TBX20: variants seen among roughly 807,000 people sequenced by gnomAD.
TBX20 encodes the protein T-box transcription factor TBX20.
Under a neutral mutation model 42.9 loss-of-function variants are expected in TBX20, and 8 were observed. The ratio of observed to expected loss-of-function variants is 0.19; its 90% CI spans 0.11 to 0.34. TBX20 has a LOEUF of 0.34. Among genes scored for constraint, TBX20 ranks in the 10% least tolerant of loss-of-function variants. The pLI is 1.00. For missense variants in TBX20, 411 were observed against 566.0 expected (o/e 0.73, Z 2.78); for synonymous variants, 198 against 222.8 (o/e 0.89, Z 0.99).
chr7:35,231,526 A>T lies in TBX20; in HGVS notation c.868T>A (p.Ser290Thr). 1 of 1,613,496 alleles carries T rather than the reference A, an allele frequency of 6.2e-7. No individual in the cohort carries two copies. The highest frequency in any genetic ancestry group is 8.5e-7 in the Non-Finnish European group (1 of 1,179,438). Residue 290 changes from serine (S) to threonine (T), a missense_variant, in exon 6 of 8, where the codon TCC becomes ACC. Physicochemically the swap from Ser to Thr is moderately conservative, Grantham distance 58. Coordinates refer to ENST00000408931, the MANE Select transcript of TBX20 (RefSeq NM_001077653.2). ...NPFAKGFRDSSRLTDIERESV... is the reference protein window; with the variant it reads ...NPFAKGFRDSTRLTDIERESV... ...TACCTCTCAATGTCAGTGAGCCTGG[A>T]GGAATCCCGGAATCCTTTGGCAAAA...
At chr7:35,226,443 A>G (rs865969419) in intron 6 of TBX20, among the ~76,000 whole-genome samples, 1 of 151,986 alleles carries the variant, frequency 6.6e-6, no homozygotes, top group African/African-American at 2.4e-5. Flanking sequence ...AAACAGGCCA[A>G]TTCCCAGGAG....
intron 5 of TBX20, among the ~76,000 whole-genome samples, chr7:35,236,731 T>C (rs1222666615): frequency 1.3e-5 from 2 of 152,182 alleles, no homozygotes; most frequent in Non-Finnish European, 2.9e-5. Context: ...CAAGCGGCTA[T>C]GGTTTTAAAG....
intron 3 of TBX20, among the ~76,000 whole-genome samples, chr7:35,246,365 C>T (rs4723405): frequency 0.37 from 55,447 of 151,886 alleles, 10,469 homozygotes; most frequent in Admixed American, 0.46. Context: ...ACCATCCTTC[C>T]AAGACTGTAG....
intron 6 of TBX20, among the ~76,000 whole-genome samples, chr7:35,219,166 GC>G (rs1435113097): frequency 6.6e-6 from 1 of 152,108 alleles, no homozygotes; most frequent in East Asian, 1.9e-4. Context: ...AGCCTAGTCT[GC>G]TCTGTGACTC....
At chr7:35,217,552 G>GA (rs1158485262) in intron 6 of TBX20, among the ~76,000 whole-genome samples, 2 of 152,104 alleles carry the variant, frequency 1.3e-5, no homozygotes, top group African/African-American at 4.8e-5. Context: ...AAAAGCTGTG[G>GA]ATAAATGAGT....
intron 5 of TBX20, among the ~76,000 whole-genome samples, chr7:35,231,807 AC>A (rs1417797593): frequency 2.6e-5 from 4 of 152,246 alleles, no homozygotes; most frequent in Admixed American, 1.3e-4. Flanking sequence ...CTGGAGGTTG[AC>A]AGATAGATAC....
chr7:35,244,137 G>A (rs1464897279), intron 4 of TBX20, among the ~76,000 whole-genome samples: 1 of 152,096 alleles, frequency 6.6e-6, no homozygotes, highest in African/African-American at 2.4e-5. Context: ...AAAAAATTAT[G>A]GAAGTCCATC....
chr7:35,226,404 CA>C (rs375521286), intron 6 of TBX20, among the ~76,000 whole-genome samples: 2,339 of 81,052 alleles, frequency 0.029, 38 homozygotes, highest in African/African-American at 0.087. Context: ...GTGAACAATC[CA>C]AAAAAAAAAA....
intron 6 of TBX20, among the ~76,000 whole-genome samples, chr7:35,211,505 A>G (rs1231657586): frequency 2.0e-5 from 3 of 152,140 alleles, no homozygotes; most frequent in African/African-American, 7.2e-5. Flanking sequence ...TGGGTAAATA[A>G]TTCTAGTTAA....
intron 6 of TBX20, among the ~76,000 whole-genome samples, chr7:35,209,670 A>C (rs1789460385): frequency 6.6e-6 from 1 of 151,976 alleles, no homozygotes; most frequent in South Asian, 2.1e-4. Flanking sequence ...TTCTACTCTG[A>C]TATTTATTAT....
At chr7:35,250,901 C>T (rs1001799263) in intron 1 of TBX20, among the ~76,000 whole-genome samples, 2 of 152,150 alleles carry the variant, frequency 1.3e-5, no homozygotes, top group African/African-American at 4.8e-5. Context: ...ATCACAGGAG[C>T]AGGTTCTGTG....
intron 7 of TBX20, among the ~76,000 whole-genome samples, chr7:35,203,860 C>A (rs529131530): frequency 6.6e-6 from 1 of 152,182 alleles, no homozygotes. Flanking sequence ...CCCATACGAA[C>A]TTTACTGTTC....
intron 5 of TBX20, among the ~76,000 whole-genome samples, chr7:35,239,877 G>A (rs1214797893): frequency 2.0e-5 from 3 of 151,810 alleles, no homozygotes; most frequent in Non-Finnish European, 4.4e-5. Context: ...TCAGCCTCCC[G>A]AGTAGCTGGG....
intron 6 of TBX20, among the ~76,000 whole-genome samples, chr7:35,216,316 C>G (rs1789588982): frequency 6.6e-6 from 1 of 152,028 alleles, no homozygotes; most frequent in African/African-American, 2.4e-5. Flanking sequence ...GAATCACTGC[C>G]CTAGTGAAGT....
rs1180066402 is a variant in TBX20, at chr7:35,240,961, A to G, written c.731T>C (p.Leu244Pro). The G allele has an allele frequency of 6.2e-7, 1 of 1,613,810 alleles. No homozygotes were observed. The highest frequency in any genetic ancestry group is 8.5e-7 in the Non-Finnish European group (1 of 1,179,726). ...TCTAAATTCTTCAGACTTCAGGTTGAGCAATGAGGCTGTGTGGTCTTTCTT... is the reference window on the plus strand; with the variant it reads ...TCTAAATTCTTCAGACTTCAGGTTGGGCAATGAGGCTGTGTGGTCTTTCTT... ...IKKKDHTASL[L>P]NLKSEEFRTF... The change falls in exon 5 of 8, where the codon CTC (leucine) becomes CCC (proline). Residue 244 changes from leucine to proline, a missense_variant. This residue lies in a region of TBX20 where 121 missense variants were observed against 165.9 expected (regional missense o/e 0.73). Coordinates refer to ENST00000408931, the MANE Select transcript of TBX20 (RefSeq NM_001077653.2).
chr7:35,207,871 G>C (rs1361963947), intron 6 of TBX20, among the ~76,000 whole-genome samples: 2 of 152,036 alleles, frequency 1.3e-5, no homozygotes, highest in Non-Finnish European at 2.9e-5. Flanking sequence ...TTTGACATTA[G>C]GTAGTATTAG....
intron 5 of TBX20, among the ~76,000 whole-genome samples, chr7:35,232,336 A>G (rs984376716): frequency 2.6e-5 from 4 of 152,242 alleles, no homozygotes; most frequent in Admixed American, 2.0e-4. Flanking sequence ...GTGTAGAAAG[A>G]TCCATGAAAT....
chr7:35,202,543 G>A lies in TBX20; in HGVS notation c.1231C>T (p.Pro411Ser). ...GGCATGTGGAATGAAGGGAATGTGG[G>A]GCCACTCCCTTGCATGGAGCTGGCA... ...AIASSMQGSG[P>S]TFPSFHMPRY... Residue 411 changes from proline to serine, a missense_variant, in exon 8 of 8, where the codon CCC becomes TCC. By Grantham distance (74) the Pro-to-Ser change is moderately conservative (BLOSUM62 -1). Coordinates refer to ENST00000408931, the MANE Select transcript of TBX20 (RefSeq NM_001077653.2). 3 of 1,613,808 alleles carry A rather than the reference G, an allele frequency of 1.9e-6. No homozygotes were observed. The highest frequency in any genetic ancestry group is 2.5e-6 in the Non-Finnish European group (3 of 1,179,900).
At chr7:35,218,336 T>C (rs1367581814) in intron 6 of TBX20, among the ~76,000 whole-genome samples, 1 of 152,082 alleles carries the variant, frequency 6.6e-6, no homozygotes, top group Non-Finnish European at 1.5e-5. Flanking sequence ...CCAGTACTAG[T>C]TGCAAAAAAC....
Sources: allele counts gnomAD v4.1 joint callset (sites outside exome capture counted in the v4.1 genomes callset), GRCh38; gene constraint gnomAD v4.1.1; regional missense constraint gnomAD v4.1.1; transcripts MANE v1.5; gene names NCBI Gene and HGNC (gene_info 2026-07-23, HGNC 2026-07-21).